The following CTH variants were observed in gnomAD, a reference collection of about 807,000 sequenced individuals.
The protein encoded by CTH is cystathionase (cystathionine gamma-lyase).
Under a neutral mutation model 50.6 loss-of-function variants are expected in CTH, and 41 were observed. That is an observed-to-expected ratio of 0.81 (90% confidence interval 0.63 to 1.05). CTH has a LOEUF of 1.05. Ranked by LOEUF, CTH falls within the 50% of genes least tolerant of loss-of-function variation. The pLI, the probability that CTH is intolerant of heterozygous loss-of-function variation, is 0.00. For synonymous variants in CTH, 156 were observed against 168.9 expected (o/e 0.92, Z 0.59); for missense variants, 470 against 492.6 (o/e 0.95, Z 0.43).
chr1:70,432,218 A>T lies in CTH; in HGVS notation c.860A>T (p.Glu287Val). 6.2e-7 allele frequency: 1 copy of T among 1,614,204 alleles called. No individual in the cohort carries two copies. Among genetic ancestry groups the T allele is most frequent in the South Asian group, 1.1e-5 (1 of 91,086 alleles). The change falls in exon 8 of 12, where the codon GAA (glutamate) becomes GTA (valine). Residue 287 changes from glutamate to valine, a missense_variant. Transcript: ENST00000370938. ...TTCCTGGAATCTAATCCTTGGGTAG[A>T]AAAGGTTATTTATCCTGGTATGTTA... ...AQFLESNPWV[E>V]KVIYPGLPSH... is the part of the protein sequence containing the mutation.
intron 5 of CTH, among the ~76,000 whole-genome samples, chr1:70,427,778 T>C (rs999260375): frequency 1.3e-5 from 2 of 152,160 alleles, no homozygotes; most frequent in East Asian, 3.8e-4. Flanking sequence ...AGTGGCGCGA[T>C]CTCAGCTCAC....
At chr1:70,414,632 G>C (rs952684033) in intron 1 of CTH, among the ~76,000 whole-genome samples, 2 of 152,170 alleles carry the variant, frequency 1.3e-5, no homozygotes, top group African/African-American at 4.8e-5. Flanking sequence ...GTTATGTTAT[G>C]TGAAGCAGAG....
rs1684486129 is a variant in CTH at position 70,432,065 on chromosome 1, G to A, written c.725-18G>A. 26 of 1,613,722 alleles carry A rather than the reference G, an allele frequency of 1.6e-5. No individual in the cohort carries two copies. The highest frequency in any genetic ancestry group is 2.2e-5 in the Non-Finnish European group (26 of 1,179,952). ...ATACCCTGCCTTCAAACTTATCCAG[G>A]ATGTGTTCATTTTGCAGCTCTTGGA... On this transcript the variant is annotated intron_variant, in intron 7 of 11. Coordinates refer to ENST00000370938, the MANE Select transcript of CTH (RefSeq NM_001902.6).
intron 8 of CTH, among the ~76,000 whole-genome samples, chr1:70,433,287 A>G (rs1381632242): frequency 6.6e-6 from 1 of 152,154 alleles, no homozygotes; most frequent in Non-Finnish European, 1.5e-5. Context: ...TTAGGTAAAG[A>G]GCTGTTGATT....
intron 1 of CTH, among the ~76,000 whole-genome samples, chr1:70,414,791 G>C (rs1216807209): frequency 6.6e-6 from 1 of 151,956 alleles, no homozygotes; most frequent in Non-Finnish European, 1.5e-5. Flanking sequence ...ATAGCTAGCA[G>C]GGTGCCATAT....
intron 3 of CTH, among the ~76,000 whole-genome samples, chr1:70,418,446 C>T (rs1019061522): frequency 2.2e-4 from 33 of 152,086 alleles, no homozygotes; most frequent in African/African-American, 7.2e-4. Flanking sequence ...GACGGGGTTT[C>T]GTTGTGTTGG....
At chr1:70,423,503 C>T (rs1423368834) in intron 4 of CTH, among the ~76,000 whole-genome samples, 2 of 151,396 alleles carry the variant, frequency 1.3e-5, no homozygotes, top group Non-Finnish European at 2.9e-5. Context: ...CCTGAAAGGT[C>T]GAAGCTGCCG....
Position 70,424,295 on chromosome 1 carries a change from T to C in CTH, c.467T>C (p.Ile156Thr). Residue 156 changes from isoleucine (I) to threonine (T), a missense_variant, in exon 5 of 12, where the codon ATC (isoleucine) becomes ACC (threonine). Coordinates refer to ENST00000370938, the MANE Select transcript of CTH (RefSeq NM_001902.6). Reference sequence around the variant, plus strand: ...GCTGAATTATTTTAGCTTGTTTGGATCGAAACCCCCACAAACCCCACCCAG... The same window carrying C: ...GCTGAATTATTTTAGCTTGTTTGGACCGAAACCCCCACAAACCCCACCCAG... ...AITPETKLVW[I>T]ETPTNPTQKV... The C allele has an allele frequency of 4.3e-6, 7 of 1,614,092 alleles. No homozygotes were observed. The highest frequency in any genetic ancestry group is 5.9e-6 in the Non-Finnish European group (7 of 1,179,986).
intron 8 of CTH, among the ~76,000 whole-genome samples, chr1:70,433,320 A>G (rs1304497067): frequency 6.6e-6 from 1 of 152,148 alleles, no homozygotes; most frequent in African/African-American, 2.4e-5. Flanking sequence ...GGATGGAGGG[A>G]GAGAGAAGAG....
chr1:70,424,190 T>G, intron 4 of CTH, 95 bp from the exon 5 acceptor site: 4 of 1,599,698 alleles, frequency 2.5e-6, no homozygotes, highest in Non-Finnish European at 2.6e-6. Flanking sequence ...GTGTTTCCAT[T>G]ATACAATGTA....
chr1:70,425,400 C>T (rs930611775), intron 5 of CTH, among the ~76,000 whole-genome samples: 13 of 152,128 alleles, frequency 8.5e-5, no homozygotes, highest in Admixed American at 6.6e-5. Flanking sequence ...GATTCAGTAC[C>T]GGTGAGGGCC....
chr1:70,434,900 G>A (rs535732709), intron 9 of CTH: 18 of 368,582 alleles, frequency 4.9e-5, no homozygotes, highest in African/African-American at 8.5e-5. Context: ...TTACAGGTGC[G>A]TGCCACCATG....
intron 4 of CTH, 77 bp downstream of exon 4, chr1:70,421,752 A>T: frequency 7.1e-7 from 1 of 1,417,592 alleles, no homozygotes; most frequent in East Asian, 2.3e-5. Flanking sequence ...ACTAGAGGAT[A>T]TAATTTAATG....
intron 5 of CTH, among the ~76,000 whole-genome samples, chr1:70,426,510 C>A (rs1684349414): frequency 6.6e-6 from 1 of 152,184 alleles, no homozygotes; most frequent in African/African-American, 2.4e-5. Context: ...CTGGCTGACT[C>A]CCTGGGCAGT....
At chr1:70,421,124 C>G (rs1447818601) in intron 3 of CTH, among the ~76,000 whole-genome samples, 1 of 152,066 alleles carries the variant, frequency 6.6e-6, no homozygotes, top group Non-Finnish European at 1.5e-5. Context: ...AACTACATAA[C>G]AAAAAGATCA....
intron 3 of CTH, among the ~76,000 whole-genome samples, chr1:70,420,863 A>G (rs1392220304): frequency 1.3e-5 from 2 of 152,096 alleles, no homozygotes; most frequent in South Asian, 2.1e-4. Context: ...TTATTTTTCA[A>G]TTTTATATTA....
chr1:70,416,018 A>T lies in CTH; in HGVS notation c.231A>T (p.Ala77=). ...ATTGCCTTGAAAAAGCAGTGGCAGC[A>T]CTGGATGGGGCTAAGTACTGTAAGT... ...TRNCLEKAVA[A]LDGAKYCLAF... is the part of the protein sequence containing the mutation. The change falls in exon 2 of 12, where the codon GCA becomes GCT. Residue 77 remains alanine (A), a synonymous_variant. Coordinates refer to ENST00000370938, the MANE Select transcript of CTH (RefSeq NM_001902.6). The T allele has an allele frequency of 6.3e-7, 1 of 1,592,590 alleles. No individual in the cohort carries two copies. The highest frequency in any genetic ancestry group is 1.3e-5 in the African/African-American group (1 of 74,606).
intron 4 of CTH, 90 bp from the exon 5 acceptor site, chr1:70,424,195 A>G: frequency 6.2e-7 from 1 of 1,604,078 alleles, no homozygotes; most frequent in Admixed American, 1.7e-5. Context: ...TCCATTATAC[A>G]ATGTAGCTTC....
intron 4 of CTH, among the ~76,000 whole-genome samples, chr1:70,422,539 T>C (rs180719841): frequency 6.6e-6 from 1 of 152,236 alleles, no homozygotes. Context: ...GTAATTAAGG[T>C]TTGTTTCCAG....
Sources: allele counts gnomAD v4.1 joint callset (sites outside exome capture counted in the v4.1 genomes callset), GRCh38; gene constraint gnomAD v4.1.1; transcripts MANE v1.5; gene names NCBI Gene and HGNC (gene_info 2026-07-23, HGNC 2026-07-21).